AQR: variants seen among roughly 807,000 people sequenced by gnomAD.
The protein encoded by AQR is aquarius intron-binding spliceosomal factor.
In AQR, 61 loss-of-function variants were observed where a neutral mutation model predicts 180.5. The observed-to-expected ratio is 0.34, with a 90% confidence interval of 0.28 to 0.42. The LOEUF is 0.42. AQR is among the 10% of genes least tolerant of loss of function. AQR has a pLI of 1.00. For synonymous variants in AQR, 551 were observed against 588.8 expected (o/e 0.94, Z 0.93); for missense variants, 1,281 against 1,798.3 (o/e 0.71, Z 5.20).
chr15:34,959,537 C>A (rs2050262058), intron 3 of AQR, among the ~76,000 whole-genome samples: 1 of 152,140 alleles, frequency 6.6e-6, no homozygotes, highest in Admixed American at 6.5e-5. Context: ...CTTCATAGCT[C>A]TTAAGTAGCT....
intron 32 of AQR, among the ~76,000 whole-genome samples, chr15:34,863,951 G>C (rs190154775): frequency 1.6e-3 from 247 of 152,200 alleles, no homozygotes; most frequent in African/African-American, 5.5e-3. Flanking sequence ...CTCTGCAAAA[G>C]AGAAGACTTT....
chr15:34,910,056 A>T, intron 17 of AQR, 79 bp downstream of exon 17: 5 of 1,491,430 alleles, frequency 3.4e-6, no homozygotes, highest in Non-Finnish European at 4.6e-6. Context: ...AACATTTAGT[A>T]AAAGTACTTT....
At chr15:34,925,571 T>C (rs767883082) in intron 13 of AQR, among the ~76,000 whole-genome samples, 18 of 152,244 alleles carry the variant, frequency 1.2e-4, no homozygotes, top group Non-Finnish European at 2.2e-4. Context: ...CCAGGAGCGG[T>C]GGCTCATGCC....
intron 9 of AQR, among the ~76,000 whole-genome samples, chr15:34,938,508 G>A (rs1595803841): frequency 6.6e-6 from 1 of 152,072 alleles, no homozygotes; most frequent in African/African-American, 2.4e-5. Flanking sequence ...ACTCTAGCCT[G>A]GGTGACAGAG....
chr15:34,917,516 G>C (rs916447542), intron 15 of AQR, among the ~76,000 whole-genome samples: 6 of 152,106 alleles, frequency 3.9e-5, no homozygotes, highest in Non-Finnish European at 7.4e-5. Flanking sequence ...TCAACACTAA[G>C]GGTTTACTAT....
intron 13 of AQR, among the ~76,000 whole-genome samples, chr15:34,926,750 C>T (rs1255338592): frequency 1.3e-5 from 2 of 152,122 alleles, no homozygotes; most frequent in East Asian, 1.9e-4. Flanking sequence ...TGTCATATGT[C>T]GTTTATGACT....
chr15:34,895,340 C>T (rs895956856), intron 22 of AQR, among the ~76,000 whole-genome samples: 8 of 149,432 alleles, frequency 5.4e-5, no homozygotes, highest in Non-Finnish European at 1.0e-4. Flanking sequence ...AAATGATAGG[C>T]CTAAATCCAA....
intron 5 of AQR, among the ~76,000 whole-genome samples, chr15:34,946,430 T>TCG (rs1555426382): frequency 4.1e-5 from 4 of 98,262 alleles, no homozygotes; most frequent in African/African-American, 1.6e-4. Flanking sequence ...GGGAGGGAGG[T>TCG]GGGGGGGGTC....
intron 34 of AQR, among the ~76,000 whole-genome samples, chr15:34,857,985 C>T (rs927558537): frequency 1.3e-5 from 2 of 151,948 alleles, no homozygotes; most frequent in South Asian, 2.1e-4. Flanking sequence ...ATTGATTGAT[C>T]GATTGATTGA....
chr15:34,927,719 C>T (rs79407328), intron 12 of AQR, among the ~76,000 whole-genome samples: 2,761 of 152,292 alleles, frequency 0.018, 76 homozygotes, highest in African/African-American at 0.058. Context: ...GAAATAATAT[C>T]CCTGTCTTCC....
chr15:34,907,176 G>T (rs1893431006), intron 17 of AQR, among the ~76,000 whole-genome samples: 1 of 152,148 alleles, frequency 6.6e-6, no homozygotes. Context: ...GTCAACTCAA[G>T]AATAATTAAT....
intron 4 of AQR, among the ~76,000 whole-genome samples, chr15:34,949,257 A>G (rs1894178588): frequency 1.3e-5 from 2 of 151,772 alleles, no homozygotes; most frequent in Admixed American, 1.3e-4. Context: ...CAGCCTCCCA[A>G]AGTGCTGGGA....
At chr15:34,939,732 A>G (rs1160744676) in intron 8 of AQR, among the ~76,000 whole-genome samples, 1 of 152,244 alleles carries the variant, frequency 6.6e-6, no homozygotes, top group Non-Finnish European at 1.5e-5. Flanking sequence ...AAACACAATT[A>G]GTAATACATG....
chr15:34,928,193 AT>A (rs112026434), intron 12 of AQR, among the ~76,000 whole-genome samples: 363 of 148,814 alleles, frequency 2.4e-3, no homozygotes, highest in East Asian at 7.7e-3. Flanking sequence ...AAAAACAGAG[AT>A]TTTTTTTTTT....
rs397853998 is a variant in AQR, at chr15:34,895,159, C to CAAA, written c.2461-1389_2461-1387dup. On this transcript the variant is annotated intron_variant, in intron 22 of 34. Coordinates refer to ENST00000156471, the MANE Select transcript of AQR (RefSeq NM_014691.3). ...CCTGGGCTAAAAAGTAAGACTGTCT[C>CAAA]AAAAAAAAAAAAAAAAAAAAAAAAA... 1.6e-3 allele frequency among the ~76,000 whole-genome samples: 4 copies of CAAA among 2,456 alleles called. 2 individuals are homozygous for CAAA. The highest frequency in any genetic ancestry group is 5.5e-3 in the Non-Finnish European group (4 of 732). The allele number at this position is 2,456 out of a possible 152,430, so 1.6% of individuals were successfully genotyped here.
intron 3 of AQR, among the ~76,000 whole-genome samples, chr15:34,955,857 C>A (rs1283629809): frequency 6.8e-6 from 1 of 147,398 alleles, no homozygotes; most frequent in African/African-American, 2.5e-5. Context: ...TGCAGTGAGC[C>A]GAGATCATGC....
intron 19 of AQR, among the ~76,000 whole-genome samples, chr15:34,903,355 TCA>T (rs1207505261): frequency 6.6e-6 from 1 of 152,072 alleles, no homozygotes; most frequent in Non-Finnish European, 1.5e-5. Context: ...GGGTATCAAA[TCA>T]AGGTATACTT....
chr15:34,957,985 G>A (rs188820709), intron 3 of AQR, among the ~76,000 whole-genome samples: 44 of 151,966 alleles, frequency 2.9e-4, no homozygotes, highest in African/African-American at 8.9e-4. Context: ...TGAGGCGGGC[G>A]ATCACAAGGT....
chr15:34,856,293 T>A lies in AQR; in HGVS notation c.*499A>T, dbSNP rs1362732217. ...AATGCATGTAACCACTTTGATAGAT[T>A]GAAGAAACCTGTATCTTACTGCTAA... On this transcript the variant is annotated 3_prime_UTR_variant, in exon 35 of 35. Transcript: ENST00000156471. 5.6e-6 allele frequency: 2 copies of A among 355,348 alleles called. No homozygotes were observed. Among genetic ancestry groups the A allele is most frequent in the East Asian group, 8.1e-5 (2 of 24,602 alleles). The allele number at this position is 355,348 out of a possible 1,614,324, so 22.0% of individuals were successfully genotyped here.
Sources: gnomAD v4.1 joint callset for allele counts (sites outside exome capture counted in the v4.1 genomes callset) on GRCh38, gnomAD v4.1.1 for gene constraint, MANE v1.5 for transcripts, NCBI Gene and HGNC (gene_info 2026-07-23, HGNC 2026-07-21) for gene names.